Variants in MDGA2 observed in about 807,000 individuals in gnomAD.
MDGA2 encodes MAM domain containing glycosylphosphatidylinositol anchor 2, also known as MAM domain-containing glycosylphosphatidylinositol anchor protein 2.
A neutral mutation model predicts 117.8 loss-of-function variants in MDGA2; 40 were observed. That is an observed-to-expected ratio of 0.34 (90% confidence interval 0.26 to 0.44). The LOEUF is 0.44. MDGA2 is among the 20% of genes least tolerant of loss of function. MDGA2 has a pLI of 1.00. For missense variants in MDGA2, 1,123 were observed against 1,250.6 expected (o/e 0.90, Z 1.54); for synonymous variants, 452 against 439.0 (o/e 1.03, Z -0.37).
At chr14:46,897,759 G>A (rs923925467) in intron 10 of MDGA2, among the ~76,000 whole-genome samples, 3 of 151,926 alleles carry the variant, frequency 2.0e-5, no homozygotes, top group Non-Finnish European at 2.9e-5. Context: ...TGTAGAAAGA[G>A]TGCAGTGAGC....
At chr14:46,954,110 G>T (rs1255517747) in intron 9 of MDGA2, among the ~76,000 whole-genome samples, 2 of 151,948 alleles carry the variant, frequency 1.3e-5, no homozygotes, top group Non-Finnish European at 2.9e-5. Context: ...TGATGTAGGT[G>T]ACCTGAAACC....
chr14:47,270,320 A>C (rs890509695), intron 2 of MDGA2, among the ~76,000 whole-genome samples: 1 of 152,158 alleles, frequency 6.6e-6, no homozygotes, highest in African/African-American at 2.4e-5. Context: ...TGTGTCTAAT[A>C]GAACAGGATC....
intron 3 of MDGA2, among the ~76,000 whole-genome samples, chr14:47,186,054 G>A (rs1475077532): frequency 6.6e-6 from 1 of 151,214 alleles, no homozygotes; most frequent in Non-Finnish European, 1.5e-5. Flanking sequence ...TAAAAAAGAA[G>A]AAGAAAATCC....
intron 10 of MDGA2, among the ~76,000 whole-genome samples, chr14:46,883,061 T>G (rs1043025642): frequency 5.9e-5 from 9 of 152,090 alleles, no homozygotes; most frequent in Admixed American, 5.9e-4. Flanking sequence ...GAAAGAATTC[T>G]AATCTTTTAC....
At chr14:47,393,851 T>C (rs1891949276) in intron 1 of MDGA2, among the ~76,000 whole-genome samples, 1 of 152,182 alleles carries the variant, frequency 6.6e-6, no homozygotes, top group Non-Finnish European at 1.5e-5. Flanking sequence ...CATACTGGCT[T>C]ACCAGGAACC....
chr14:47,208,838 A>G (rs1885780381), intron 3 of MDGA2, among the ~76,000 whole-genome samples: 1 of 152,012 alleles, frequency 6.6e-6, no homozygotes, highest in Non-Finnish European at 1.5e-5. Context: ...TCTTTATGAA[A>G]TTTAGATGTG....
At chr14:47,257,350 A>C (rs764969763) in intron 2 of MDGA2, among the ~76,000 whole-genome samples, 1 of 151,988 alleles carries the variant, frequency 6.6e-6, no homozygotes, top group Non-Finnish European at 1.5e-5. Context: ...TTTGCCTCGG[A>C]TATTTACATG....
intron 5 of MDGA2, among the ~76,000 whole-genome samples, chr14:47,118,096 T>C (rs150195187): frequency 2.0e-5 from 3 of 152,202 alleles, no homozygotes; most frequent in Non-Finnish European, 4.4e-5. Context: ...GTAGTAGGTG[T>C]CATTACTTAT....
chr14:47,251,212 C>A (rs1293958462), intron 2 of MDGA2, among the ~76,000 whole-genome samples: 4 of 152,128 alleles, frequency 2.6e-5, no homozygotes, highest in African/African-American at 4.8e-5. Context: ...TGCTTCAGGG[C>A]CTTTTCACCT....
chr14:47,674,688 AG>A lies in MDGA2; in HGVS notation c.108del (p.Leu37TrpfsTer16). 8.7e-7 allele frequency: 1 copy of A among 1,145,294 alleles called. No individual in the cohort carries two copies. The highest frequency in any genetic ancestry group is 1.3e-5 in the South Asian group (1 of 75,964). 70.9% of individuals were successfully genotyped at this position (1,145,294 alleles called of 1,614,324 possible). ...GCGCGCTCCACTCGCGCCCGGGCCA[AG>A]CCGAGGTGCCCGGGAACCGCTCGCC... Reference protein sequence around the residue: ...LLRRAVPGHLGLARARVERAW... With the variant: ...LLRRAVPGHLXLARARVERAW... On this transcript the variant is annotated frameshift_variant, in exon 1 of 17. Coordinates refer to ENST00000399232, the MANE Select transcript of MDGA2 (RefSeq NM_001113498.3). LOFTEE classifies it high-confidence loss of function.
At chr14:47,353,954 C>A (rs940711900) in intron 1 of MDGA2, among the ~76,000 whole-genome samples, 3 of 152,110 alleles carry the variant, frequency 2.0e-5, no homozygotes, top group Non-Finnish European at 4.4e-5. Context: ...AGATCTTTCA[C>A]CACAATTAAG....
intron 5 of MDGA2, among the ~76,000 whole-genome samples, chr14:47,114,133 A>G (rs1324739190): frequency 7.2e-5 from 11 of 152,170 alleles, no homozygotes; most frequent in Admixed American, 6.5e-4. Context: ...AGAGAGCCAA[A>G]TGATGAGTGA....
At chr14:46,945,828 C>T (rs1454847557) in intron 9 of MDGA2, among the ~76,000 whole-genome samples, 1 of 151,904 alleles carries the variant, frequency 6.6e-6, no homozygotes, top group Non-Finnish European at 1.5e-5. Flanking sequence ...GTAGTTTGTC[C>T]AATTTTATGG....
chr14:46,859,641 C>A (rs1006694322), intron 14 of MDGA2, among the ~76,000 whole-genome samples: 10 of 152,020 alleles, frequency 6.6e-5, no homozygotes, highest in Admixed American at 6.6e-5. Flanking sequence ...GCAGTCCTAC[C>A]CTGTTTTTTG....
chr14:47,339,929 T>C (rs1890570929), intron 1 of MDGA2, among the ~76,000 whole-genome samples: 1 of 152,192 alleles, frequency 6.6e-6, no homozygotes, highest in Non-Finnish European at 1.5e-5. Flanking sequence ...GTGTTTTCCC[T>C]AGTAATGCCA....
intron 7 of MDGA2, among the ~76,000 whole-genome samples, chr14:47,055,406 A>G (rs1889638986): frequency 6.6e-6 from 1 of 152,010 alleles, no homozygotes; most frequent in Non-Finnish European, 1.5e-5. Context: ...CTAGTGCCTT[A>G]TTCTTAATCC....
intron 2 of MDGA2, among the ~76,000 whole-genome samples, chr14:47,290,805 A>C (rs1161007131): frequency 6.6e-6 from 1 of 151,910 alleles, no homozygotes; most frequent in African/African-American, 2.4e-5. Context: ...AAAAAAAAAA[A>C]ACACAATATA....
intron 1 of MDGA2, among the ~76,000 whole-genome samples, chr14:47,539,793 T>C (rs1449099918): frequency 6.6e-6 from 1 of 152,214 alleles, no homozygotes; most frequent in Non-Finnish European, 1.5e-5. Context: ...ATATGGTTCA[T>C]ACCACAGTCA....
chr14:46,874,842 G>A (rs1441398393), intron 12 of MDGA2, among the ~76,000 whole-genome samples: 1 of 150,736 alleles, frequency 6.6e-6, no homozygotes, highest in Non-Finnish European at 1.5e-5. Context: ...GATGCCTAAC[G>A]TATGTTGAGT....
Sources: allele counts gnomAD v4.1 joint callset (sites outside exome capture counted in the v4.1 genomes callset), GRCh38; gene constraint gnomAD v4.1.1; transcripts MANE v1.5; gene names NCBI Gene and HGNC (gene_info 2026-07-23, HGNC 2026-07-21).